Variants in DYTN observed in about 807,000 individuals in gnomAD.
The protein encoded by DYTN is dystrotelin.
A neutral mutation model predicts 69.6 loss-of-function variants in DYTN; 75 were observed. The ratio of observed to expected loss-of-function variants is 1.08; its 90% confidence interval spans 0.89 to 1.31. The LOEUF (loss-of-function observed/expected upper bound fraction) is 1.31. Ranked by LOEUF, DYTN falls within the 50% of genes most tolerant of loss-of-function variation. The pLI is 0.00. For synonymous variants in DYTN, 252 were observed against 249.1 expected, an observed-to-expected ratio of 1.01 and a Z score of -0.11; for missense variants, 726 against 688.4, an observed-to-expected ratio of 1.05 and a Z score of -0.61.
At chr2:206,665,144 G>A (rs539158113) in intron 10 of DYTN, among the ~76,000 whole-genome samples, 23 of 152,268 alleles carry the variant, frequency 1.5e-4, no homozygotes, top group African/African-American at 4.6e-4. Flanking sequence ...TACTTCAACC[G>A]AAACACATTG....
chr2:206,707,242 A>G (rs1386514437), intron 3 of DYTN, 60 bp downstream of exon 3: 1 of 1,556,528 alleles, frequency 6.4e-7, no homozygotes, highest in Admixed American at 1.9e-5. Flanking sequence ...CCAAATGGTA[A>G]ATGACCACTG....
At chr2:206,716,405 T>C (rs1241423236) in intron 1 of DYTN, among the ~76,000 whole-genome samples, 1 of 152,130 alleles carries the variant, frequency 6.6e-6, no homozygotes, top group Non-Finnish European at 1.5e-5. Context: ...TGATCATGGA[T>C]TAAAGACATC....
chr2:206,663,489 A>G, intron 10 of DYTN, 94 bp from the exon 11 acceptor site: 3 of 1,325,676 alleles, frequency 2.3e-6, no homozygotes, highest in Non-Finnish European at 3.0e-6. Flanking sequence ...GAACATTCTA[A>G]TGCAAGACTT....
intron 11 of DYTN, among the ~76,000 whole-genome samples, chr2:206,658,183 G>A (rs1027249289): frequency 9.2e-5 from 14 of 151,876 alleles, no homozygotes; most frequent in Non-Finnish European, 2.1e-4. Flanking sequence ...TCAGCTCCAA[G>A]ACTATTGTTT....
At chr2:206,653,093 A>G (rs1699406523) in intron 11 of DYTN, among the ~76,000 whole-genome samples, 11 of 152,170 alleles carry the variant, frequency 7.2e-5, no homozygotes. Flanking sequence ...TATCCCACTT[A>G]TCACTCCAAT....
At position 206,703,135 on chromosome 2, in the gene DYTN, C is replaced by T. The variant is rs190008305; in HGVS notation, c.483+1708G>A. Among the ~76,000 whole-genome samples, 26 of 152,264 alleles carry T rather than the reference C, an allele frequency of 1.7e-4. 1 individual carries two copies. In the East Asian group the frequency reaches 4.6e-3, roughly 27 times the overall value. Reference sequence around the variant, plus strand: ...CGGAGTGCTGAGGGAGCTTCTAGTTCAGCAGCTCATTGACCTCATTTGAAC... The same window carrying T: ...CGGAGTGCTGAGGGAGCTTCTAGTTTAGCAGCTCATTGACCTCATTTGAAC... On this transcript the variant is annotated intron_variant, in intron 5 of 11. Coordinates refer to ENST00000452335, the MANE Select transcript of DYTN (RefSeq NM_001093730.1).
At chr2:206,677,304 A>G (rs528371302) in intron 9 of DYTN, among the ~76,000 whole-genome samples, 1 of 152,316 alleles carries the variant, frequency 6.6e-6, no homozygotes, top group South Asian at 2.1e-4. Context: ...AAAATGAAAT[A>G]AAAAGGGAAA....
At chr2:206,683,678 C>T (rs1699775661) in intron 9 of DYTN, among the ~76,000 whole-genome samples, 1 of 151,992 alleles carries the variant, frequency 6.6e-6, no homozygotes, top group Non-Finnish European at 1.5e-5. Context: ...TTCCTCATCC[C>T]ACTCAATCAT....
chr2:206,657,034 T>A (rs1699458566), intron 11 of DYTN, among the ~76,000 whole-genome samples: 1 of 152,178 alleles, frequency 6.6e-6, no homozygotes, highest in South Asian at 2.1e-4. Context: ...AGTGCTGGGA[T>A]TATAGTCGTG....
At chr2:206,689,622 G>T (rs895952662) in intron 9 of DYTN, among the ~76,000 whole-genome samples, 9 of 152,198 alleles carry the variant, frequency 5.9e-5, no homozygotes, top group Non-Finnish European at 2.9e-5. Context: ...TCTGGGAGTA[G>T]AGAGGAGAGG....
At chr2:206,662,694 A>G (rs1372896071) in intron 11 of DYTN, among the ~76,000 whole-genome samples, 1 of 151,396 alleles carries the variant, frequency 6.6e-6, no homozygotes, top group African/African-American at 2.4e-5. Context: ...AAAGTCTTAC[A>G]TGGTTTATCA....
At chr2:206,705,020 A>C in intron 4 of DYTN, 77 bp from the exon 5 acceptor site, 1 of 1,193,618 alleles carries the variant, frequency 8.4e-7, no homozygotes, top group South Asian at 1.3e-5. Flanking sequence ...TTGAAGTAAC[A>C]GTCTCTTTGT....
chr2:206,651,958 A>T (rs1457958020), intron 11 of DYTN, 37 bp from the exon 12 acceptor site: 2 of 1,566,128 alleles, frequency 1.3e-6, no homozygotes, highest in Non-Finnish European at 1.7e-6. Flanking sequence ...TTAGAGAAAC[A>T]TACCGGTAGC....
intron 1 of DYTN, among the ~76,000 whole-genome samples, chr2:206,716,281 G>A (rs1189647020): frequency 6.6e-6 from 1 of 152,136 alleles, no homozygotes; most frequent in Non-Finnish European, 1.5e-5. Context: ...GAGCCACAGA[G>A]GGGATTAGAG....
Position 206,704,835 on chromosome 2 carries a change from G to A in DYTN, c.483+8C>T, listed in dbSNP as rs1399953383. 2 of 1,610,838 alleles carry A rather than the reference G, an allele frequency of 1.2e-6. No homozygotes were observed. Among genetic ancestry groups the A allele is most frequent in the Non-Finnish European group, 1.7e-6 (2 of 1,178,030 alleles). ...CAAATGTACAGTTCTTAAGTATTAGGAATTTACCTGCTGTAGATCTGTTAG... is the reference window on the plus strand; with the variant it reads ...CAAATGTACAGTTCTTAAGTATTAGAAATTTACCTGCTGTAGATCTGTTAG... On this transcript the variant is annotated splice_region_variant and intron_variant, in intron 5 of 11. Coordinates refer to ENST00000452335, the MANE Select transcript of DYTN (RefSeq NM_001093730.1).
At chr2:206,678,642 GA>G (rs1437636081) in intron 9 of DYTN, among the ~76,000 whole-genome samples, 1 of 152,080 alleles carries the variant, frequency 6.6e-6, no homozygotes, top group African/African-American at 2.4e-5. Flanking sequence ...AATGACAATG[GA>G]AAATGCTCTT....
intron 9 of DYTN, among the ~76,000 whole-genome samples, chr2:206,686,001 A>G (rs988000064): frequency 3.3e-5 from 5 of 149,434 alleles, no homozygotes; most frequent in South Asian, 2.1e-4. Context: ...AAAAAAAAAA[A>G]GCTACACATT....
intron 11 of DYTN, among the ~76,000 whole-genome samples, chr2:206,661,424 A>G (rs899124344): frequency 9.2e-5 from 14 of 152,294 alleles, no homozygotes; most frequent in African/African-American, 3.4e-4. Flanking sequence ...TTAGAAAGAA[A>G]TTTATATATA....
intron 10 of DYTN, among the ~76,000 whole-genome samples, chr2:206,665,434 A>G (rs1015615052): frequency 1.3e-5 from 2 of 151,138 alleles, no homozygotes; most frequent in Admixed American, 6.6e-5. Flanking sequence ...TTTATTATTT[A>G]TTTAATTTTA....
Sources: allele counts gnomAD v4.1 joint callset (sites outside exome capture counted in the v4.1 genomes callset), GRCh38; gene constraint gnomAD v4.1.1; transcripts MANE v1.5; gene names NCBI Gene and HGNC (gene_info 2026-07-23, HGNC 2026-07-21).